HYCC1: variants seen among roughly 807,000 people sequenced by gnomAD.
HYCC1 encodes hyccin PI4KA lipid kinase complex subunit 1, also known as hyccin.
chr7:22,926,085 C>G, the HYCC1 span, among the ~76,000 whole-genome samples: 2 of 152,136 alleles, frequency 1.3e-5, no homozygotes, highest in Non-Finnish European at 2.9e-5. Flanking sequence ...CCAAACTAAG[C>G]TTCATAAGTG....
At chr7:22,898,899 C>A in the HYCC1 span, among the ~76,000 whole-genome samples, 1 of 152,232 alleles carries the variant, frequency 6.6e-6, no homozygotes, top group East Asian at 1.9e-4. Context: ...CCCCGCCCGG[C>A]TGGTCCGAAT....
At chr7:22,930,276 G>GTTAT in the HYCC1 span, among the ~76,000 whole-genome samples, 5 of 147,276 alleles carry the variant, frequency 3.4e-5, no homozygotes, top group Non-Finnish European at 7.4e-5. Context: ...ACACCAACAT[G>GTTAT]GCACATGTAT....
At chr7:22,902,980 T>C in the HYCC1 span, among the ~76,000 whole-genome samples, 3 of 152,046 alleles carry the variant, frequency 2.0e-5, no homozygotes, top group African/African-American at 4.8e-5. Context: ...TTCAATAACA[T>C]TAGTCATTAG....
chr7:22,967,510 T>A, the HYCC1 span, among the ~76,000 whole-genome samples: 1 of 152,200 alleles, frequency 6.6e-6, no homozygotes, highest in Admixed American at 6.5e-5. Context: ...TATAACCTGC[T>A]AGGTTTTACC....
chr7:22,952,251 G>A, the HYCC1 span, among the ~76,000 whole-genome samples: 1 of 151,998 alleles, frequency 6.6e-6, no homozygotes, highest in Non-Finnish European at 1.5e-5. Context: ...ATGGGAAAGA[G>A]GAAGTAGGGT....
At chr7:22,910,871 A>C in the HYCC1 span, among the ~76,000 whole-genome samples, 1 of 87,398 alleles carries the variant, frequency 1.1e-5, no homozygotes, top group Non-Finnish European at 2.7e-5. Flanking sequence ...AAATATGTTC[A>C]CTCAAAAAAA....
At chr7:22,931,461 G>A in the HYCC1 span, among the ~76,000 whole-genome samples, 2 of 152,090 alleles carry the variant, frequency 1.3e-5, no homozygotes, top group Non-Finnish European at 2.9e-5. Flanking sequence ...CAGGGCATGG[G>A]GTGCTGCCAT....
chr7:22,976,290 T>A, the HYCC1 span: 5 of 1,611,076 alleles, frequency 3.1e-6, no homozygotes, highest in Non-Finnish European at 4.2e-6. Flanking sequence ...ACAAAAGGAA[T>A]GTCAACACTT....
chr7:22,902,051 T>G, the HYCC1 span, among the ~76,000 whole-genome samples: 1 of 152,060 alleles, frequency 6.6e-6, no homozygotes, highest in Non-Finnish European at 1.5e-5. Flanking sequence ...CAATAACTTC[T>G]AAGGAATTGA....
the HYCC1 span, among the ~76,000 whole-genome samples, chr7:22,963,899 G>A: frequency 1.3e-5 from 2 of 152,024 alleles, no homozygotes; most frequent in African/African-American, 4.8e-5. Context: ...TATAATAAGA[G>A]AATTATAAAG....
At chr7:22,917,463 T>A in the HYCC1 span, among the ~76,000 whole-genome samples, 1 of 152,198 alleles carries the variant, frequency 6.6e-6, no homozygotes, top group Non-Finnish European at 1.5e-5. Flanking sequence ...TCCCTACACA[T>A]CAAGCTCGGG....
chr7:23,002,164 A>ATATATATACAAT, the HYCC1 span, among the ~76,000 whole-genome samples: 8 of 26,138 alleles, frequency 3.1e-4, no homozygotes, highest in African/African-American at 6.9e-4. Context: ...ATATATATAT[A>ATATATATACAAT]TATATATATA....
the HYCC1 span, among the ~76,000 whole-genome samples, chr7:22,959,192 T>G: frequency 7.9e-5 from 12 of 152,288 alleles, no homozygotes; most frequent in East Asian, 2.3e-3. Context: ...ATTGCTACAC[T>G]TTAAAAACAC....
At chr7:22,938,389 G>C in the HYCC1 span, 1 of 152,128 alleles carries the variant, frequency 6.6e-6, no homozygotes, top group African/African-American at 2.4e-5. Flanking sequence ...TAAACCATTT[G>C]AGCATAGATC....
chr7:22,955,037 T>G, the HYCC1 span, among the ~76,000 whole-genome samples: 1 of 151,584 alleles, frequency 6.6e-6, no homozygotes, highest in Non-Finnish European at 1.5e-5. Context: ...AAATCCTTAC[T>G]GTAATAGTGA....
At chr7:23,009,381 A>G in the HYCC1 span, among the ~76,000 whole-genome samples, 1 of 152,176 alleles carries the variant, frequency 6.6e-6, no homozygotes, top group Non-Finnish European at 1.5e-5. Context: ...CTGCACCAAA[A>G]TTAGGGATGC....
the HYCC1 span, among the ~76,000 whole-genome samples, chr7:23,002,146 A>ATATATATATATATACACAAT: frequency 8.3e-5 from 2 of 24,060 alleles, no homozygotes; most frequent in Admixed American, 5.3e-4. Flanking sequence ...GTATATATAT[A>ATATATATATATATACACAAT]TATATATATA....
chr7:22,954,209 A>T, the HYCC1 span, among the ~76,000 whole-genome samples: 1 of 151,076 alleles, frequency 6.6e-6, no homozygotes, highest in Middle Eastern at 5.6e-3. Context: ...AGACAACCTT[A>T]AATGCTTAAA....
the HYCC1 span, among the ~76,000 whole-genome samples, chr7:22,960,731 G>C: frequency 1.3e-5 from 2 of 152,170 alleles, no homozygotes; most frequent in South Asian, 4.1e-4. Flanking sequence ...AGACAGTTAG[G>C]TGTCTAGGAA....
Sources: allele counts gnomAD v4.1 joint callset (sites outside exome capture counted in the v4.1 genomes callset), GRCh38; gene constraint gnomAD v4.1.1; transcripts MANE v1.5; gene names NCBI Gene and HGNC (gene_info 2026-07-23, HGNC 2026-07-21).